The following SENP2 variants were observed in gnomAD, a reference collection of about 807,000 sequenced individuals.
The protein encoded by SENP2 is SUMO specific peptidase 2.
SENP2 carries 16 observed loss-of-function variants against 86.3 expected under a neutral mutation model. That is an observed-to-expected ratio of 0.19 (90% CI 0.13 to 0.28). The LOEUF (loss-of-function observed/expected upper bound fraction) is 0.28. Among genes scored for constraint, SENP2 ranks in the 10% least tolerant of loss-of-function variants. The probability of loss-of-function intolerance (pLI) is 1.00; values close to 1 mark genes in which losing one functional copy is unlikely to be tolerated. For synonymous variants in SENP2, 222 were observed against 238.7 expected, an observed-to-expected ratio of 0.93 and a Z score of 0.64; for missense variants, 552 against 703.0, an observed-to-expected ratio of 0.79 and a Z score of 2.43.
intron 7 of SENP2, among the ~76,000 whole-genome samples, chr3:185,609,593 A>T (rs1722620465): frequency 6.6e-6 from 1 of 152,072 alleles, no homozygotes; most frequent in Non-Finnish European, 1.5e-5. Context: ...CTCTTATATT[A>T]AAAAAGTGGA....
intron 7 of SENP2, among the ~76,000 whole-genome samples, chr3:185,611,226 A>G (rs1266377616): frequency 6.6e-6 from 1 of 152,126 alleles, no homozygotes; most frequent in Non-Finnish European, 1.5e-5. Context: ...CAGTGAGGCC[A>G]TGATCACACC....
At chr3:185,610,740 G>A (rs371529581) in intron 7 of SENP2, among the ~76,000 whole-genome samples, 3 of 146,772 alleles carry the variant, frequency 2.0e-5, no homozygotes, top group East Asian at 4.2e-4. Context: ...GACGGATCAC[G>A]AGGTCAGGAG....
intron 10 of SENP2, chr3:185,613,710 C>T: frequency 5.0e-6 from 1 of 201,276 alleles, no homozygotes; most frequent in Non-Finnish European, 9.9e-6. Context: ...TGTCTGTAGT[C>T]CCAGCTACTT....
At chr3:185,601,224 T>C (rs1323775994) in intron 5 of SENP2, among the ~76,000 whole-genome samples, 8 of 151,952 alleles carry the variant, frequency 5.3e-5, no homozygotes, top group Non-Finnish European at 7.4e-5. Flanking sequence ...TTTGTATTTT[T>C]AGTAGATATG....
chr3:185,623,251 C>T (rs546993015), intron 14 of SENP2, among the ~76,000 whole-genome samples: 19 of 152,112 alleles, frequency 1.2e-4, no homozygotes, highest in African/African-American at 4.1e-4. Context: ...AAGAGATTCT[C>T]CTGCCTCAGC....
chr3:185,590,889 AAAG>A (rs1472205960), intron 2 of SENP2, among the ~76,000 whole-genome samples: 1 of 143,298 alleles, frequency 7.0e-6, no homozygotes, highest in African/African-American at 2.6e-5. Context: ...AAAAAAAAAA[AAAG>A]AAAGTCTCCT....
chr3:185,598,894 T>C, intron 3 of SENP2, 64 bp from the exon 4 acceptor site: 1 of 1,285,832 alleles, frequency 7.8e-7, no homozygotes, highest in South Asian at 1.3e-5. Context: ...TATCTTTTCA[T>C]AATAGAAAGT....
chr3:185,603,226 CT>C (rs1159320962), intron 5 of SENP2, among the ~76,000 whole-genome samples: 1 of 152,076 alleles, frequency 6.6e-6, no homozygotes, highest in African/African-American at 2.4e-5. Flanking sequence ...TTACTTATTA[CT>C]TACAAAAGGA....
rs1349963103 is a variant in SENP2, at chr3:185,631,765, T to G, written c.*1921T>G. On this transcript the variant is annotated 3_prime_UTR_variant, in exon 17 of 17. Transcript: ENST00000296257. ...TTCACCAGGCATCAGTGTGCTTCAC[T>G]TGAGAGTTTGGTACCATGGTTAAGA... 6.8e-6 allele frequency: 1 copy of G among 147,562 alleles called. No homozygotes were observed. Among genetic ancestry groups the G allele is most frequent in the Non-Finnish European group, 1.5e-5 (1 of 67,214 alleles). 9.1% of individuals were successfully genotyped at this position (147,562 alleles called of 1,614,324 possible). A position where few individuals can be genotyped will look rare whatever the true frequency, so the allele number is the denominator to read the frequency against.
intron 7 of SENP2, among the ~76,000 whole-genome samples, chr3:185,609,848 G>A (rs1722629115): frequency 6.6e-6 from 1 of 151,938 alleles, no homozygotes; most frequent in African/African-American, 2.4e-5. Flanking sequence ...CGGCATCATA[G>A]AGATTGAATC....
Position 185,586,591 on chromosome 3 carries a change from T to G in SENP2, c.101+77T>G, listed in dbSNP as rs1721790852. The G allele has an allele frequency of 1.4e-6, 2 of 1,399,696 alleles. No individual in the cohort carries two copies. The highest frequency in any genetic ancestry group is 2.0e-6 in the Non-Finnish European group (2 of 1,000,258). 86.7% of individuals were successfully genotyped at this position (1,399,696 alleles called of 1,614,324 possible). On this transcript the variant is annotated intron_variant, in intron 1 of 16. Coordinates refer to ENST00000296257, the MANE Select transcript of SENP2 (RefSeq NM_021627.3). The surrounding 1 kb of genome is among the most constrained non-coding windows in gnomAD (Gnocchi z 4.3). Reference sequence around the variant, plus strand: ...GCGGGCTCCTCGGCCGTGATAGCTTTGATTCAGCCAGGCTCACCCGAAACA... The same window carrying G: ...GCGGGCTCCTCGGCCGTGATAGCTTGGATTCAGCCAGGCTCACCCGAAACA...
rs528065404 is a variant in SENP2, at chr3:185,618,928, A to G, written c.1243-371A>G. On this transcript the variant is annotated intron_variant, in intron 12 of 16. Coordinates refer to ENST00000296257, the MANE Select transcript of SENP2 (RefSeq NM_021627.3). ...GATAAATAAAATATTATTTTGGTGT[A>G]TGTCCTTCAAGTTAATATTTTAAAA... Among the ~76,000 whole-genome samples, 414 of 152,344 alleles carry G rather than the reference A, an allele frequency of 2.7e-3. 3 individuals are homozygous for G. The highest frequency in any genetic ancestry group is 3.5e-3 in the Non-Finnish European group (241 of 68,032).
intron 2 of SENP2, 34 bp from the exon 3 acceptor site, chr3:185,598,378 T>G: frequency 6.2e-7 from 1 of 1,601,124 alleles, no homozygotes; most frequent in Non-Finnish European, 8.6e-7. Flanking sequence ...GGAAGTTTAT[T>G]ACTTTATATT....
At chr3:185,620,193 G>C (rs1711793745) in intron 13 of SENP2, among the ~76,000 whole-genome samples, 3 of 151,864 alleles carry the variant, frequency 2.0e-5, no homozygotes, top group Admixed American at 2.0e-4. Context: ...CTCCCAGGTA[G>C]CTGGGACTAC....
At chr3:185,628,329 G>T (rs1712242636) in intron 16 of SENP2, among the ~76,000 whole-genome samples, 1 of 152,074 alleles carries the variant, frequency 6.6e-6, no homozygotes. Context: ...TAGAGACAGG[G>T]TTTCACCATA....
intron 2 of SENP2, among the ~76,000 whole-genome samples, chr3:185,596,160 C>T (rs971083534): frequency 2.0e-5 from 3 of 151,952 alleles, no homozygotes; most frequent in African/African-American, 4.8e-5. Context: ...GAGACGGTTT[C>T]GCCATGATGG....
intron 12 of SENP2, 38 bp downstream of exon 12, chr3:185,617,649 GTTTA>G (rs779426003): frequency 8.8e-6 from 14 of 1,585,278 alleles, no homozygotes; most frequent in African/African-American, 1.3e-5. Flanking sequence ...CTATCATTAA[GTTTA>G]TTTATTTATT....
intron 16 of SENP2, 74 bp from the exon 17 acceptor site, chr3:185,629,708 T>A: frequency 7.1e-7 from 1 of 1,413,266 alleles, no homozygotes; most frequent in Non-Finnish European, 1.0e-6. Flanking sequence ...CTTTATTACA[T>A]GATTACACCT....
Position 185,601,005 on chromosome 3 carries a change from T to C in SENP2, c.449+150T>C, listed in dbSNP as rs1722325464. ...GAATGTCATGCAGCCAGTGAGAGAC[T>C]TGAACTTAGGGGTGTGTTATATTTT... On this transcript the variant is annotated intron_variant, in intron 5 of 16. Coordinates refer to ENST00000296257, the MANE Select transcript of SENP2 (RefSeq NM_021627.3). The C allele has an allele frequency of 6.8e-6, 4 of 584,698 alleles. No individual in the cohort carries two copies. The Admixed American group carries it at 1.2e-4, about 17-fold the overall frequency. The allele number at this position is 584,698 out of a possible 1,614,324, so 36.2% of individuals were successfully genotyped here. A position where few individuals can be genotyped will look rare whatever the true frequency, so the allele number is the denominator to read the frequency against.
Sources: gnomAD v4.1 joint callset for allele counts (sites outside exome capture counted in the v4.1 genomes callset) on GRCh38, gnomAD v4.1.1 for gene constraint, Gnocchi (gnomAD v3.1) non-coding constraint, MANE v1.5 for transcripts, NCBI Gene and HGNC (gene_info 2026-07-23, HGNC 2026-07-21) for gene names.